Variants in TBC1D23 observed in about 807,000 individuals in gnomAD.
TBC1D23 encodes the protein TBC1 domain family member 23, also known as HCV non-structural protein 4A-transactivated protein 1.
A neutral mutation model predicts 91.4 loss-of-function variants in TBC1D23; 55 were observed. That is an observed-to-expected ratio of 0.60 (90% CI 0.48 to 0.75). The LOEUF (loss-of-function observed/expected upper bound fraction) is 0.75, where lower values mean the gene tolerates loss of function less well. TBC1D23 is among the 30% of genes least tolerant of loss of function. The pLI, the probability that TBC1D23 is intolerant of heterozygous loss-of-function variation, is 0.00. For missense variants in TBC1D23, 725 were observed against 836.1 expected (o/e 0.87, Z 1.64); for synonymous variants, 289 against 281.0 (o/e 1.03, Z -0.28).
chr3:100,312,386 T>C (rs1705639695), intron 15 of TBC1D23, among the ~76,000 whole-genome samples: 1 of 152,206 alleles, frequency 6.6e-6, no homozygotes, highest in Non-Finnish European at 1.5e-5. Flanking sequence ...TTAGCATATA[T>C]AAATCTCTTC....
At chr3:100,319,033 G>A (rs1705804213) in intron 16 of TBC1D23, 36 bp from the exon 17 acceptor site, 1 of 1,357,708 alleles carries the variant, frequency 7.4e-7, no homozygotes, top group Middle Eastern at 2.1e-4. Flanking sequence ...TTAAAAGTTG[G>A]TAATATCCAT....
intron 1 of TBC1D23, among the ~76,000 whole-genome samples, chr3:100,268,106 A>G (rs73148354): frequency 4.6e-5 from 7 of 152,270 alleles, no homozygotes; most frequent in Admixed American, 2.6e-4. Context: ...GGATGAATCG[A>G]GGCTGCAGTG....
At chr3:100,283,906 A>G (rs1303640037) in intron 4 of TBC1D23, 95 bp downstream of exon 4, 2 of 662,306 alleles carry the variant, frequency 3.0e-6, no homozygotes, top group Non-Finnish European at 5.2e-6. Context: ...GCGGTAAAGT[A>G]AAAGGTTCAA....
At chr3:100,280,336 T>C (rs2067684078) in intron 2 of TBC1D23, among the ~76,000 whole-genome samples, 1 of 152,162 alleles carries the variant, frequency 6.6e-6, no homozygotes, top group Non-Finnish European at 1.5e-5. Context: ...ATCATAACAA[T>C]GTTAAAAATA....
At chr3:100,289,781 G>A (rs150559743) in intron 4 of TBC1D23, among the ~76,000 whole-genome samples, 98 of 152,204 alleles carry the variant, frequency 6.4e-4, no homozygotes, top group African/African-American at 2.3e-3. Context: ...TAGGTTTAGG[G>A]GTACGTGTGC....
At position 100,323,852 on chromosome 3, in the gene TBC1D23, C is replaced by T. The variant is rs2148876115; in HGVS notation, c.*184C>T. 3.9e-6 allele frequency: 1 copy of T among 255,592 alleles called. No homozygotes were observed. The highest frequency in any genetic ancestry group is 7.7e-6 in the Non-Finnish European group (1 of 130,646). 15.8% of individuals were successfully genotyped at this position (255,592 alleles called of 1,614,324 possible). ...AGTAAACTTTTTAAAAATTTTTCTT[C>T]TGCATTTTGGTTTTATAAAATGATG... On this transcript the variant is annotated 3_prime_UTR_variant, in exon 19 of 19. Transcript: ENST00000394144.
intron 3 of TBC1D23, among the ~76,000 whole-genome samples, chr3:100,283,007 A>C (rs781130814): frequency 6.6e-6 from 1 of 152,248 alleles, no homozygotes; most frequent in Non-Finnish European, 1.5e-5. Context: ...AGACTAGGTA[A>C]GAAAACATGC....
At chr3:100,265,851 G>A (rs1576154911) in intron 1 of TBC1D23, among the ~76,000 whole-genome samples, 1 of 152,086 alleles carries the variant, frequency 6.6e-6, no homozygotes, top group African/African-American at 2.4e-5. Context: ...GATGTGAGTA[G>A]GAATTGTTTG....
At position 100,306,553 on chromosome 3, in the gene TBC1D23, T is replaced by G. The variant is rs1391537510; in HGVS notation, c.1413+10T>G. ...TATCAATTCTGTTGATGTAAGTATA[T>G]GTAGAGAATATGTTACCGGATTTGG... On this transcript the variant is annotated intron_variant, in intron 13 of 18. Coordinates refer to ENST00000394144, the MANE Select transcript of TBC1D23 (RefSeq NM_001199198.3). The G allele has an allele frequency of 6.7e-7, 1 of 1,499,362 alleles. No homozygotes were observed. The highest frequency in any genetic ancestry group is 9.3e-7 in the Non-Finnish European group (1 of 1,077,676). The allele number at this position is 1,499,362 out of a possible 1,614,324, so 92.9% of individuals were successfully genotyped here.
rs190988895 is a variant in TBC1D23 at position 100,316,469 on chromosome 3, T to A, written c.1687+282T>A. On this transcript the variant is annotated intron_variant, in intron 16 of 18. Coordinates refer to ENST00000394144, the MANE Select transcript of TBC1D23 (RefSeq NM_001199198.3). ...TTAAAGTATAATAATAATAAAATTT[T>A]AAAAAAAAGGAATCCAAGCAGAAAT... Among the ~76,000 whole-genome samples, 981 of 151,654 alleles carry A rather than the reference T, an allele frequency of 6.5e-3. 33 individuals carry two copies. The highest frequency in any genetic ancestry group is 0.051 in the Admixed American group (780 of 15,188).
chr3:100,280,638 AACTGT>A (rs1209233053), intron 2 of TBC1D23, among the ~76,000 whole-genome samples: 1 of 152,220 alleles, frequency 6.6e-6, no homozygotes, highest in Non-Finnish European at 1.5e-5. Flanking sequence ...ATGGAATTAA[AACTGT>A]ACACAGCATT....
chr3:100,309,146 C>A (rs959756060), intron 13 of TBC1D23, among the ~76,000 whole-genome samples: 3 of 152,118 alleles, frequency 2.0e-5, no homozygotes, highest in African/African-American at 7.2e-5. Context: ...TGCACTCCAA[C>A]CTGGGCAACA....
chr3:100,278,818 A>G (rs918019284), intron 1 of TBC1D23, among the ~76,000 whole-genome samples: 3 of 152,272 alleles, frequency 2.0e-5, no homozygotes, highest in East Asian at 1.9e-4. Flanking sequence ...CGTAGACTGA[A>G]CAAAACTGCT....
At chr3:100,269,790 C>T (rs1271520933) in intron 1 of TBC1D23, among the ~76,000 whole-genome samples, 1 of 152,194 alleles carries the variant, frequency 6.6e-6, no homozygotes, top group East Asian at 1.9e-4. Flanking sequence ...ATGTCTCATT[C>T]CCTGGGCATT....
At chr3:100,299,212 G>A (rs1705373175) in intron 9 of TBC1D23, 27 bp from the exon 10 acceptor site, 3 of 1,499,976 alleles carry the variant, frequency 2.0e-6, no homozygotes, top group African/African-American at 1.4e-5. Context: ...GGAAATTCCT[G>A]TATGTCAAAT....
At chr3:100,313,335 A>T (rs1392101036) in intron 15 of TBC1D23, among the ~76,000 whole-genome samples, 3 of 152,184 alleles carry the variant, frequency 2.0e-5, no homozygotes, top group Non-Finnish European at 2.9e-5. Context: ...AGAGAATCTA[A>T]TGAGAAGTTA....
rs200759884 is a variant in TBC1D23 at position 100,323,690 on chromosome 3, A to C, written c.*22A>C. Reference sequence around the variant, plus strand: ...TTAATATAAAAGAAAATTATATAAAAAGAAATTAAGACAACCAAGAGAAAC... The same window carrying C: ...TTAATATAAAAGAAAATTATATAAACAGAAATTAAGACAACCAAGAGAAAC... On this transcript the variant is annotated 3_prime_UTR_variant, in exon 19 of 19. Coordinates refer to ENST00000394144, the MANE Select transcript of TBC1D23 (RefSeq NM_001199198.3). 1.5e-6 allele frequency: 2 copies of C among 1,292,232 alleles called. No homozygotes were observed. Among genetic ancestry groups the C allele is most frequent in the African/African-American group, 3.1e-5 (2 of 65,346 alleles). 80.0% of individuals were successfully genotyped at this position (1,292,232 alleles called of 1,614,324 possible). A position where few individuals can be genotyped will look rare whatever the true frequency, so the allele number is the denominator to read the frequency against.
chr3:100,284,710 G>C (rs1165635650), intron 4 of TBC1D23, among the ~76,000 whole-genome samples: 1 of 152,118 alleles, frequency 6.6e-6, no homozygotes, highest in Admixed American at 6.6e-5. Context: ...AGGCCAGAAA[G>C]AATTGTTGTA....
At chr3:100,309,476 T>C (rs1436945628) in intron 13 of TBC1D23, among the ~76,000 whole-genome samples, 1 of 152,154 alleles carries the variant, frequency 6.6e-6, no homozygotes, top group South Asian at 2.1e-4. Flanking sequence ...GATCATACTT[T>C]TGCTTATTTT....
Sources: allele counts gnomAD v4.1 joint callset (sites outside exome capture counted in the v4.1 genomes callset), GRCh38; gene constraint gnomAD v4.1.1; transcripts MANE v1.5; gene names NCBI Gene and HGNC (gene_info 2026-07-23, HGNC 2026-07-21).